The following OPHN1 variants were observed in gnomAD, a reference collection of about 807,000 sequenced individuals.
OPHN1 encodes the protein oligophrenin-1.
Under a neutral mutation model 60.7 loss-of-function variants are expected in OPHN1, and 11 were observed. The observed-to-expected ratio is 0.18, with a 90% CI of 0.11 to 0.30. OPHN1 has a LOEUF of 0.30. OPHN1 is among the 10% of genes least tolerant of loss of function. OPHN1 has a pLI of 1.00. For synonymous variants in OPHN1, 226 were observed against 222.6 expected (o/e 1.02, Z -0.14); for missense variants, 449 against 611.0 (o/e 0.73, Z 2.80).
At chrX:68,261,811 G>T (rs1266105585) in intron 5 of OPHN1, among the ~76,000 whole-genome samples, 2 of 111,569 alleles carry the variant, frequency 1.8e-5, no homozygotes, top group Non-Finnish European at 3.8e-5. Context: ...AAGAACTTGG[G>T]TTCAAATCCT....
intron 15 of OPHN1, among the ~76,000 whole-genome samples, chrX:68,190,692 T>G (rs2077484253): frequency 8.9e-6 from 1 of 112,128 alleles, no homozygotes; most frequent in African/African-American, 3.2e-5. Flanking sequence ...TTTTAGCTTA[T>G]TATACAACAG....
chrX:68,203,809 G>T (rs5965516), intron 10 of OPHN1, among the ~76,000 whole-genome samples: 11,986 of 111,845 alleles, frequency 0.11, 1,539 homozygotes, highest in African/African-American at 0.37. Context: ...TTGTCTATCT[G>T]CTTTGTCTGA....
At chrX:68,113,074 A>G in intron 17 of OPHN1, 107 bp downstream of exon 17, 1 of 585,280 alleles carries the variant, frequency 1.7e-6, no homozygotes. Context: ...TATGTGTTTT[A>G]GGTTTCTGTG....
At chrX:68,243,647 C>T (rs1359936631) in intron 5 of OPHN1, among the ~76,000 whole-genome samples, 2 of 111,750 alleles carry the variant, frequency 1.8e-5, no homozygotes, top group African/African-American at 6.5e-5. Context: ...CTTGGCCTCC[C>T]AAAGTGCTGG....
At chrX:68,096,589 C>T (rs1338552456) in intron 19 of OPHN1, among the ~76,000 whole-genome samples, 1 of 111,723 alleles carries the variant, frequency 9.0e-6, no homozygotes, top group Admixed American at 9.5e-5. Context: ...CTCCATACTA[C>T]ACATTGTTAA....
intron 2 of OPHN1, among the ~76,000 whole-genome samples, chrX:68,314,469 C>T (rs987648288): frequency 3.7e-5 from 4 of 109,428 alleles, no homozygotes; most frequent in Non-Finnish European, 7.6e-5. Context: ...TGCAGTGAGC[C>T]GAGATCGTGC....
At chrX:68,417,452 A>C (rs1213187099) in intron 2 of OPHN1, among the ~76,000 whole-genome samples, 2 of 112,287 alleles carry the variant, frequency 1.8e-5, no homozygotes, top group Non-Finnish European at 3.8e-5. Context: ...AGGAGCAAAA[A>C]GCAAAGGTGC....
At chrX:68,381,257 G>T in intron 2 of OPHN1, among the ~76,000 whole-genome samples, 1 of 111,194 alleles carries the variant, frequency 9.0e-6, no homozygotes, top group African/African-American at 3.3e-5. Flanking sequence ...CACTTCCTAT[G>T]CCCCCTTCTT....
chrX:68,291,125 T>C (rs1156393423), intron 3 of OPHN1, among the ~76,000 whole-genome samples: 2 of 111,574 alleles, frequency 1.8e-5, no homozygotes, highest in Non-Finnish European at 3.8e-5. Flanking sequence ...TTCTAAATCC[T>C]ACCATATCCC....
intron 3 of OPHN1, among the ~76,000 whole-genome samples, chrX:68,289,779 T>A (rs897286639): frequency 8.9e-6 from 1 of 112,603 alleles, no homozygotes; most frequent in African/African-American, 3.2e-5. Flanking sequence ...ACATTATTGC[T>A]GATGATGAAT....
intron 19 of OPHN1, among the ~76,000 whole-genome samples, chrX:68,073,537 C>A (rs183569029): frequency 8.9e-6 from 1 of 112,012 alleles, no homozygotes; most frequent in African/African-American, 3.2e-5. Context: ...GAAAAAATGC[C>A]TATAAAAGAT....
intron 5 of OPHN1, among the ~76,000 whole-genome samples, chrX:68,251,193 T>G (rs2077832813): frequency 1.0e-5 from 1 of 97,593 alleles, no homozygotes; most frequent in Admixed American, 1.1e-4. Context: ...TTTTTTTTTT[T>G]TTTTTTTTTT....
At chrX:68,068,345 C>T (rs912603118) in intron 20 of OPHN1, among the ~76,000 whole-genome samples, 1 of 108,775 alleles carries the variant, frequency 9.2e-6, no homozygotes, top group Non-Finnish European at 1.9e-5. Context: ...GTGGTATGCA[C>T]CTGTAATCCC....
At chrX:68,131,763 C>T (rs2077195670) in intron 15 of OPHN1, among the ~76,000 whole-genome samples, 1 of 111,623 alleles carries the variant, frequency 9.0e-6, no homozygotes, top group South Asian at 3.7e-4. Context: ...TATTTTATGT[C>T]CCGGTAATAG....
intron 6 of OPHN1, among the ~76,000 whole-genome samples, chrX:68,214,688 C>A (rs996057324): frequency 8.9e-6 from 1 of 112,108 alleles, no homozygotes; most frequent in Non-Finnish European, 1.9e-5. Flanking sequence ...GTAGGTAAGG[C>A]AGACATTGTA....
chrX:68,233,602 T>C (rs981792492), intron 6 of OPHN1, among the ~76,000 whole-genome samples: 2 of 111,356 alleles, frequency 1.8e-5, no homozygotes, highest in African/African-American at 6.5e-5. Context: ...CCTGATCTAA[T>C]TCACCCTACA....
At chrX:68,195,240 T>C (rs1360820014) in intron 12 of OPHN1, among the ~76,000 whole-genome samples, 1 of 111,570 alleles carries the variant, frequency 9.0e-6, no homozygotes, top group Non-Finnish European at 1.9e-5. Context: ...TGTACCTGTC[T>C]AATGGGCATT....
intron 2 of OPHN1, among the ~76,000 whole-genome samples, chrX:68,405,858 A>G (rs1325410266): frequency 9.0e-6 from 1 of 111,669 alleles, no homozygotes; most frequent in Admixed American, 9.6e-5. Flanking sequence ...ATAAAGGGCA[A>G]TGAGGCTGGG....
rs182198864 is a variant in OPHN1, at chrX:68,309,264, C to G, written c.155-10168G>C. ...TCCTCAAGGTCTCTTCTCTTTAACA[C>G]TCTTGAGTATATGTTTTTCCTTTTT... On this transcript the variant is annotated intron_variant, in intron 2 of 24. Coordinates refer to ENST00000355520, the MANE Select transcript of OPHN1 (RefSeq NM_002547.3). 4.0e-3 allele frequency among the ~76,000 whole-genome samples: 450 copies of G among 111,886 alleles called. 2 individuals carry two copies. The highest frequency in any genetic ancestry group is 0.014 in the African/African-American group (421 of 30,849).
Sources: gnomAD v4.1 joint callset for allele counts (sites outside exome capture counted in the v4.1 genomes callset) on GRCh38, gnomAD v4.1.1 for gene constraint, MANE v1.5 for transcripts, NCBI Gene and HGNC (gene_info 2026-07-23, HGNC 2026-07-21) for gene names.